CHRNA3: variants seen among roughly 807,000 people sequenced by gnomAD.
CHRNA3 encodes the protein neuronal acetylcholine receptor subunit alpha-3.
CHRNA3 carries 34 observed loss-of-function variants against 41.9 expected under a neutral mutation model. That is an observed-to-expected ratio of 0.81 (90% CI 0.62 to 1.08). The LOEUF (loss-of-function observed/expected upper bound fraction) is 1.08, where lower values mean the gene tolerates loss of function less well. Ranked by LOEUF, CHRNA3 falls within the 50% of genes least tolerant of loss-of-function variation. The probability of loss-of-function intolerance (pLI) is 0.00; values close to 1 mark genes in which losing one functional copy is unlikely to be tolerated. For missense variants in CHRNA3, 542 were observed against 638.3 expected (o/e 0.85, Z 1.63); for synonymous variants, 281 against 265.2 (o/e 1.06, Z -0.58).
intron 5 of CHRNA3, among the ~76,000 whole-genome samples, chr15:78,600,759 C>T (rs765817448): frequency 6.6e-6 from 1 of 151,572 alleles, no homozygotes; most frequent in Non-Finnish European, 1.5e-5. Context: ...GTTCAAGCTA[C>T]TCGGGAAACT....
chr15:78,596,441 T>G lies in CHRNA3; in HGVS notation c.*163A>C. On this transcript the variant is annotated 3_prime_UTR_variant, in exon 6 of 6. Coordinates refer to ENST00000326828, the MANE Select transcript of CHRNA3 (RefSeq NM_000743.5). ...TTATCGGTAATAAATACTCTTGACA[T>G]TTTTTTTTTTGCATGATTCCAAGAT... is the stretch of plus-strand genomic sequence containing the variant. 3.2e-6 allele frequency: 1 copy of G among 314,446 alleles called. No homozygotes were observed. The highest frequency in any genetic ancestry group is 1.9e-3 in the East Asian group (1 of 514). The allele number at this position is 314,446 out of a possible 1,614,324, so 19.5% of individuals were successfully genotyped here. A position where few individuals can be genotyped will look rare whatever the true frequency, so the allele number is the denominator to read the frequency against.
chr15:78,608,477 G>C (rs2053332790), intron 4 of CHRNA3, among the ~76,000 whole-genome samples: 1 of 152,214 alleles, frequency 6.6e-6, no homozygotes, highest in Non-Finnish European at 1.5e-5. Context: ...ACAGGGTCTG[G>C]AGTGGACCTC....
At chr15:78,610,220 C>A (rs1257701834) in intron 4 of CHRNA3, among the ~76,000 whole-genome samples, 1 of 152,148 alleles carries the variant, frequency 6.6e-6, no homozygotes, top group African/African-American at 2.4e-5. Context: ...CTGCACCAAG[C>A]GGACCTAATA....
rs1175793662 is a variant in CHRNA3 at position 78,596,294 on chromosome 15, T to G, written c.*310A>C. On this transcript the variant is annotated 3_prime_UTR_variant, in exon 6 of 6. Coordinates refer to ENST00000326828, the MANE Select transcript of CHRNA3 (RefSeq NM_000743.5). The stretch of plus-strand genomic sequence containing the variant: ...TCTGAACAGCATTTTTCTATCCAGT[T>G]TTGTTTCAACAACTAAAAGGAAACA... 1 of 1,008,642 alleles carries G rather than the reference T, an allele frequency of 9.9e-7. No individual in the cohort carries two copies. Among genetic ancestry groups the G allele is most frequent in the Non-Finnish European group, 1.2e-6 (1 of 845,472 alleles). 62.5% of individuals were successfully genotyped at this position (1,008,642 alleles called of 1,614,324 possible). A position where few individuals can be genotyped will look rare whatever the true frequency, so the allele number is the denominator to read the frequency against.
rs1234467023 is a variant in CHRNA3, at chr15:78,617,024, T to C, written c.377A>G (p.Asn126Ser). Residue 126 changes from asparagine (N) to serine (S), a missense_variant and splice_region_variant, in exon 4 of 6, where the codon AAT (asparagine) becomes AGT (serine). Coordinates refer to ENST00000326828, the MANE Select transcript of CHRNA3 (RefSeq NM_000743.5). ...GGGCGTGGGCCCCCCAGCACCTTAC[T>C]TGTTATACAGCACAATGTCTGGCTT... ...IWKPDIVLYN[N>S]AVGDFQVDDK... The C allele has an allele frequency of 6.2e-7, 1 of 1,610,976 alleles. No individual in the cohort carries two copies. Among genetic ancestry groups the C allele is most frequent in the Admixed American group, 1.7e-5 (1 of 59,950 alleles).
intron 4 of CHRNA3, among the ~76,000 whole-genome samples, chr15:78,610,066 G>C (rs891177769): frequency 4.4e-4 from 67 of 152,308 alleles, no homozygotes; most frequent in Middle Eastern, 3.4e-3. Flanking sequence ...GGAGCACCCA[G>C]ATTCATAAAG....
At chr15:78,609,643 A>G (rs1254745565) in intron 4 of CHRNA3, among the ~76,000 whole-genome samples, 1 of 152,238 alleles carries the variant, frequency 6.6e-6, no homozygotes, top group Admixed American at 6.5e-5. Flanking sequence ...TGTAAAGACC[A>G]TCAAGGCTAG....
Position 78,596,644 on chromosome 15 carries a change from CCTG to C in CHRNA3, c.1475_1477del (p.Ala492del), listed in dbSNP as rs1389006531. ...GGCCATCAGGGGTTGCAGAAACAATCCTGCTGTCCCTAGAATGCACACCAGGGT... is the reference window on the plus strand; with the variant it reads ...GGCCATCAGGGGTTGCAGAAACAATCCTGTCCCTAGAATGCACACCAGGGT... On this transcript the variant is annotated inframe_deletion, in exon 6 of 6. Coordinates refer to ENST00000326828, the MANE Select transcript of CHRNA3 (RefSeq NM_000743.5). 1 of 1,611,526 alleles carries C rather than the reference CCTG, an allele frequency of 6.2e-7. No individual in the cohort carries two copies. The highest frequency in any genetic ancestry group is 1.7e-5 in the Admixed American group (1 of 58,960).
At position 78,601,873 on chromosome 15, in the gene CHRNA3, A is replaced by G. The variant is rs200497131; in HGVS notation, c.769T>C (p.Phe257Leu). 6.2e-7 allele frequency: 1 copy of G among 1,614,128 alleles called. No homozygotes were observed. The highest frequency in any genetic ancestry group is 8.5e-7 in the Non-Finnish European group (1 of 1,180,014). ...AGGTAGAAGACGAGCACAGTGAGGA[A>G]GGAGATGAGCAGGCAGGGGATGATG... ...NLIIPCLLIS[F>L]LTVLVFYLPS... The change falls in exon 5 of 6, where the codon TTC becomes CTC. Residue 257 changes from phenylalanine to leucine, a missense_variant. Phe to Leu is a conservative substitution (Grantham distance 22, BLOSUM62 0). Coordinates refer to ENST00000326828, the MANE Select transcript of CHRNA3 (RefSeq NM_000743.5).
rs983659646 is a variant in CHRNA3, at chr15:78,609,694, CATA to C, written c.377+7327_377+7329del. 7.9e-5 allele frequency among the ~76,000 whole-genome samples: 12 copies of C among 152,252 alleles called. 1 individual carries two copies. In the South Asian group the frequency reaches 1.2e-3, roughly 16 times the overall value. ...ACTAACGAGCAAAATCACCAGCTAA[CATA>C]ATAATGACAGGACCAAATTCACACA... On this transcript the variant is annotated intron_variant, in intron 4 of 5. Transcript: ENST00000326828.
chr15:78,596,345 A>G lies in CHRNA3; in HGVS notation c.*259T>C. 1 of 1,106,382 alleles carries G rather than the reference A, an allele frequency of 9.0e-7. No homozygotes were observed. The allele number at this position is 1,106,382 out of a possible 1,614,324, so 68.5% of individuals were successfully genotyped here. A position where few individuals can be genotyped will look rare whatever the true frequency, so the allele number is the denominator to read the frequency against. ...TTTTTACATGTATATTCCATAGCATAGCATACTAATCACATAGAATCACAT... is the reference window on the plus strand; with the variant it reads ...TTTTTACATGTATATTCCATAGCATGGCATACTAATCACATAGAATCACAT... On this transcript the variant is annotated 3_prime_UTR_variant, in exon 6 of 6. Coordinates refer to ENST00000326828, the MANE Select transcript of CHRNA3 (RefSeq NM_000743.5).
intron 4 of CHRNA3, among the ~76,000 whole-genome samples, chr15:78,616,366 C>A (rs1202578530): frequency 2.2e-5 from 3 of 135,860 alleles, no homozygotes; most frequent in Non-Finnish European, 4.8e-5. Context: ...CCCCACCCCC[C>A]CAAAAAAAAA....
intron 4 of CHRNA3, among the ~76,000 whole-genome samples, chr15:78,610,081 T>A (rs1356365828): frequency 6.6e-6 from 1 of 152,112 alleles, no homozygotes; most frequent in East Asian, 1.9e-4. Context: ...ATAAAGCAAG[T>A]CCTTAGAGAC....
At chr15:78,611,956 A>C (rs368526362) in intron 4 of CHRNA3, among the ~76,000 whole-genome samples, 27 of 152,254 alleles carry the variant, frequency 1.8e-4, no homozygotes, top group African/African-American at 2.4e-4. Context: ...TGAGTGAACT[A>C]CCATTCACAA....
intron 4 of CHRNA3, among the ~76,000 whole-genome samples, chr15:78,613,917 G>T (rs200911374): frequency 6.6e-6 from 1 of 152,006 alleles, no homozygotes; most frequent in East Asian, 1.9e-4. Context: ...CTGCACTCCA[G>T]CCTGGGCGAC....
At chr15:78,598,331 C>T (rs917518875) in intron 5 of CHRNA3, among the ~76,000 whole-genome samples, 1 of 151,964 alleles carries the variant, frequency 6.6e-6, no homozygotes, top group African/African-American at 2.4e-5. Context: ...AGAAAGATGA[C>T]ACTTGGGTTT....
At chr15:78,600,799 C>T (rs540497767) in intron 5 of CHRNA3, among the ~76,000 whole-genome samples, 19 of 152,046 alleles carry the variant, frequency 1.2e-4, no homozygotes, top group Middle Eastern at 3.4e-3. Flanking sequence ...AGCTGGGAGG[C>T]GGAAGTTGCA....
In CHRNA3 at chr15:78,601,747, G is replaced by A. The variant is rs753202149; in HGVS notation, c.895C>T (p.Leu299=). The A allele has an allele frequency of 2.5e-6, 4 of 1,614,178 alleles. No homozygotes were observed. Among genetic ancestry groups the A allele is most frequent in the Non-Finnish European group, 3.4e-6 (4 of 1,180,032 alleles). The change falls in exon 5 of 6, where the codon CTG becomes TTG. Residue 299 remains leucine, a synonymous_variant. Transcript: ENST00000326828. ...TACTCTCCAATCAGGGGGATGACCA[G>A]CGAGGTGGAAGGGATGGTCTCAGTG... ...VITETIPSTS[L]VIPLIGEYLL... is the part of the protein sequence containing the mutation.
downstream of CHRNA3, chr15:78,594,823 TTA>T (rs1251062019): frequency 6.6e-6 from 1 of 152,262 alleles, no homozygotes; most frequent in Non-Finnish European, 1.5e-5. Flanking sequence ...TAATAGAATC[TTA>T]GAGTTGCAAG....
Sources: gnomAD v4.1 joint callset for allele counts (sites outside exome capture counted in the v4.1 genomes callset) on GRCh38, gnomAD v4.1.1 for gene constraint, MANE v1.5 for transcripts, NCBI Gene and HGNC (gene_info 2026-07-23, HGNC 2026-07-21) for gene names.